The following GALNT9 variants were observed in gnomAD, a reference collection of about 807,000 sequenced individuals.
The protein encoded by GALNT9 is GalNAc transferase 9.
A neutral mutation model predicts 63.1 loss-of-function variants in GALNT9; 47 were observed. The observed-to-expected ratio is 0.75, with a 90% confidence interval of 0.59 to 0.95. GALNT9 has a LOEUF of 0.95. Among genes scored for constraint, GALNT9 ranks in the 40% least tolerant of loss-of-function variants. The probability of loss-of-function intolerance (pLI) is 0.00; values close to 1 mark genes in which losing one functional copy is unlikely to be tolerated. For missense variants in GALNT9, 829 were observed against 874.8 expected (o/e 0.95, Z 0.66); for synonymous variants, 396 against 365.7 (o/e 1.08, Z -0.94).
chr12:132,214,738 G>A (rs544227626), intron 6 of GALNT9, among the ~76,000 whole-genome samples: 197 of 152,314 alleles, frequency 1.3e-3, no homozygotes, highest in Non-Finnish European at 2.2e-3. Flanking sequence ...GGATCCGTGC[G>A]TAACAAACCA....
In GALNT9 at chr12:132,196,804, G is replaced by A; in HGVS notation, c.*303C>T. The A allele has an allele frequency of 1.7e-6, 2 of 1,165,784 alleles. No individual in the cohort carries two copies. Among genetic ancestry groups the A allele is most frequent in the East Asian group, 5.6e-5 (1 of 18,002 alleles). The allele number at this position is 1,165,784 out of a possible 1,614,324, so 72.2% of individuals were successfully genotyped here. A position where few individuals can be genotyped will look rare whatever the true frequency, so the allele number is the denominator to read the frequency against. Reference sequence around the variant, plus strand: ...GTGGGGGGCTGTGGTACATGCAGAGGCGGCGGCTGTCCCAGCAGCCTGGCC... The same window carrying A: ...GTGGGGGGCTGTGGTACATGCAGAGACGGCGGCTGTCCCAGCAGCCTGGCC... On this transcript the variant is annotated 3_prime_UTR_variant, in exon 11 of 11. Coordinates refer to ENST00000328957, the MANE Select transcript of GALNT9 (RefSeq NM_001122636.2).
At chr12:132,216,266 G>C (rs2135517106) in intron 6 of GALNT9, among the ~76,000 whole-genome samples, 1 of 152,348 alleles carries the variant, frequency 6.6e-6, no homozygotes, top group Non-Finnish European at 1.5e-5. Flanking sequence ...TGAAGACACA[G>C]AGAAAGACAC....
intron 2 of GALNT9, among the ~76,000 whole-genome samples, chr12:132,285,364 C>T (rs1462409714): frequency 5.3e-5 from 8 of 152,358 alleles, no homozygotes; most frequent in African/African-American, 1.2e-4. Flanking sequence ...GCCTGCCAGT[C>T]GCTCCCAGGC....
At chr12:132,280,871 G>A (rs1880310334) in intron 2 of GALNT9, 1 of 152,290 alleles carries the variant, frequency 6.6e-6, no homozygotes, top group African/African-American at 2.4e-5. Flanking sequence ...CCTACTCTCT[G>A]TGGGATCTGA....
chr12:132,295,017 C>T (rs1401102338), intron 1 of GALNT9, among the ~76,000 whole-genome samples: 1 of 152,214 alleles, frequency 6.6e-6, no homozygotes, highest in African/African-American at 2.4e-5. Flanking sequence ...GTGGAGACGC[C>T]CGGCCTGCGG....
intron 1 of GALNT9, among the ~76,000 whole-genome samples, chr12:132,301,157 C>T (rs114127264): frequency 6.3e-4 from 96 of 152,378 alleles, no homozygotes; most frequent in African/African-American, 2.0e-3. Flanking sequence ...AGCCACACTC[C>T]GTCACAGTGC....
At chr12:132,199,948 C>T (rs1480768721) in intron 8 of GALNT9, among the ~76,000 whole-genome samples, 1 of 152,232 alleles carries the variant, frequency 6.6e-6, no homozygotes, top group Non-Finnish European at 1.5e-5. Context: ...CGAGAGGTCA[C>T]ACAGGTTTGA....
chr12:132,199,038 AAGCCCTGGAATGC>A, intron 9 of GALNT9, 123 bp downstream of exon 9: 1 of 604,662 alleles, frequency 1.7e-6, no homozygotes, highest in Non-Finnish European at 2.9e-6. Flanking sequence ...AGGCTGCTCC[AAGCCCTGGAATGC>A]AGCCCTGGTG....
intron 6 of GALNT9, among the ~76,000 whole-genome samples, chr12:132,208,004 T>C (rs1254799074): frequency 2.6e-5 from 4 of 152,002 alleles, no homozygotes; most frequent in African/African-American, 9.7e-5. Flanking sequence ...TTAATGACCG[T>C]GTAGTTTTTC....
rs1555246782 is a variant in GALNT9, at chr12:132,329,234, G to A, written c.-31C>T. On this transcript the variant is annotated 5_prime_UTR_variant, in exon 1 of 11. Transcript: ENST00000328957. ...CGGCTGCAGCGGGGGCCTCACCCGC[G>A]GGGCATCCCCAGCATCCCCGCCCGG... 2 of 1,528,988 alleles carry A rather than the reference G, an allele frequency of 1.3e-6. No individual in the cohort carries two copies. Among genetic ancestry groups the A allele is most frequent in the African/African-American group, 1.4e-5 (1 of 72,224 alleles). 94.7% of individuals were successfully genotyped at this position (1,528,988 alleles called of 1,614,324 possible).
At chr12:132,302,308 C>T (rs1881327844) in intron 1 of GALNT9, among the ~76,000 whole-genome samples, 1 of 151,254 alleles carries the variant, frequency 6.6e-6, no homozygotes, top group Non-Finnish European at 1.5e-5. Flanking sequence ...AAACTAGTAT[C>T]AGTATTTTCA....
intron 1 of GALNT9, among the ~76,000 whole-genome samples, chr12:132,292,350 C>G (rs568870848): frequency 1.3e-5 from 2 of 152,292 alleles, no homozygotes; most frequent in Non-Finnish European, 2.9e-5. Flanking sequence ...GGCACTGCCT[C>G]CCCCCATCCC....
chr12:132,283,359 A>AG (rs1880440593), intron 2 of GALNT9: 1 of 152,310 alleles, frequency 6.6e-6, no homozygotes, highest in Non-Finnish European at 1.5e-5. Context: ...AATGATGGGG[A>AG]CGGGGCGGGG....
chr12:132,287,059 G>GCCCCCCCCCCCCCCCCC (rs57471643), intron 1 of GALNT9, among the ~76,000 whole-genome samples: 1 of 80,586 alleles, frequency 1.2e-5, no homozygotes, highest in African/African-American at 4.1e-5. Flanking sequence ...CTGAGTGAGC[G>GCCCCCCCCCCCCCCCCC]CCCCCCCCCC....
chr12:132,316,964 C>T lies in GALNT9; in HGVS notation c.238+12002G>A, dbSNP rs1868539980. On this transcript the variant is annotated intron_variant, in intron 1 of 10. Transcript: ENST00000328957. This position sits in a 1 kb window ranked among gnomAD's most constrained non-coding sequence, Gnocchi z 4.3. ...CACAGAGCACAGCCTGCACCCTACA[C>T]CCCACGGAGCATGGTCCTATTCTAC... Among the ~76,000 whole-genome samples, 1 of 133,980 alleles carries T rather than the reference C, an allele frequency of 7.5e-6. No individual in the cohort carries two copies. Among genetic ancestry groups the T allele is most frequent in the African/African-American group, 2.8e-5 (1 of 35,964 alleles). 87.9% of individuals were successfully genotyped at this position (133,980 alleles called of 152,430 possible). A position where few individuals can be genotyped will look rare whatever the true frequency, so the allele number is the denominator to read the frequency against.
Position 132,246,151 on chromosome 12 carries a change from C to A in GALNT9, c.1077+1759G>T, listed in dbSNP as rs1490585315. ...GTGCGTTCAATCCACGGCCGACCCG[C>A]CAAGGTCTGGTGTTTAACAATCACA... On this transcript the variant is annotated intron_variant, in intron 6 of 10. Coordinates refer to ENST00000328957, the MANE Select transcript of GALNT9 (RefSeq NM_001122636.2). The surrounding 1 kb of genome is among the most constrained non-coding windows in gnomAD (Gnocchi z 4.7). 2.6e-5 allele frequency among the ~76,000 whole-genome samples: 4 copies of A among 152,228 alleles called. No individual in the cohort carries two copies. Among genetic ancestry groups the A allele is most frequent in the Non-Finnish European group, 5.9e-5 (4 of 68,042 alleles).
rs1878720051 is a variant in GALNT9 at position 132,246,794 on chromosome 12, G to C, written c.1077+1116C>G. Among the ~76,000 whole-genome samples, 1 of 152,218 alleles carries C rather than the reference G, an allele frequency of 6.6e-6. No homozygotes were observed. Among genetic ancestry groups the C allele is most frequent in the East Asian group, 1.9e-4 (1 of 5,198 alleles). On this transcript the variant is annotated intron_variant, in intron 6 of 10. Coordinates refer to ENST00000328957, the MANE Select transcript of GALNT9 (RefSeq NM_001122636.2). This position sits in a 1 kb window ranked among gnomAD's most constrained non-coding sequence, Gnocchi z 4.7. ...GATCCACCCACCTCTGCCTCCCACA[G>C]TGTTGGGATTACAGGCGTGAGCCTC...
At chr12:132,256,030 C>T (rs1398175928) in intron 5 of GALNT9, among the ~76,000 whole-genome samples, 2 of 152,184 alleles carry the variant, frequency 1.3e-5, no homozygotes, top group African/African-American at 4.8e-5. Context: ...AACCACCGCA[C>T]CTGCCTTAAT....
At chr12:132,326,475 T>C (rs34951309) in intron 1 of GALNT9, among the ~76,000 whole-genome samples, 31,460 of 152,010 alleles carry the variant, frequency 0.21, 3,348 homozygotes, top group East Asian at 0.26. Flanking sequence ...GGTCAATGGA[T>C]ATCCCAAAGA....
Sources: gnomAD v4.1 joint callset for allele counts (sites outside exome capture counted in the v4.1 genomes callset) on GRCh38, gnomAD v4.1.1 for gene constraint, Gnocchi (gnomAD v3.1) non-coding constraint, MANE v1.5 for transcripts, NCBI Gene and HGNC (gene_info 2026-07-23, HGNC 2026-07-21) for gene names.